Variants in AFF3 observed in about 807,000 individuals in gnomAD.
AFF3 encodes AF4/FMR2 family member 3.
Under a neutral mutation model 129.7 loss-of-function variants are expected in AFF3, and 32 were observed. The ratio of observed to expected loss-of-function variants is 0.25; its 90% confidence interval spans 0.19 to 0.33. The LOEUF (loss-of-function observed/expected upper bound fraction) is 0.33, where lower values mean the gene tolerates loss of function less well. Ranked by LOEUF, AFF3 falls within the 10% of genes least tolerant of loss-of-function variation. AFF3 has a pLI of 1.00. For synonymous variants in AFF3, 644 were observed against 635.4 expected, an observed-to-expected ratio of 1.01 and a Z score of -0.20; for missense variants, 1,373 against 1,592.0, an observed-to-expected ratio of 0.86 and a Z score of 2.34.
chr2:99,555,656 C>A (rs1372397500), intron 22 of AFF3, among the ~76,000 whole-genome samples: 1 of 152,184 alleles, frequency 6.6e-6, no homozygotes, highest in East Asian at 1.9e-4. Flanking sequence ...AGGGAGAAAG[C>A]GGTCTTTGTG....
At chr2:99,603,558 G>A (rs1473589729) in intron 13 of AFF3, among the ~76,000 whole-genome samples, 1 of 152,236 alleles carries the variant, frequency 6.6e-6, no homozygotes, top group South Asian at 2.1e-4. Context: ...TACCATTCAG[G>A]ACATATGAAT....
At chr2:99,677,523 T>C (rs1304960774) in intron 11 of AFF3, among the ~76,000 whole-genome samples, 3 of 152,284 alleles carry the variant, frequency 2.0e-5, no homozygotes, top group South Asian at 2.1e-4. Flanking sequence ...ACAATGATTG[T>C]TGGGCATGTT....
At chr2:99,709,873 CCCAAA>C (rs1677742926) in intron 11 of AFF3, among the ~76,000 whole-genome samples, 1 of 152,194 alleles carries the variant, frequency 6.6e-6, no homozygotes, top group Non-Finnish European at 1.5e-5. Context: ...ATGAAATAGT[CCCAAA>C]TCACTGGGTT....
At chr2:99,991,131 A>G (rs1381448077) in intron 7 of AFF3, among the ~76,000 whole-genome samples, 1 of 152,160 alleles carries the variant, frequency 6.6e-6, no homozygotes, top group Non-Finnish European at 1.5e-5. Context: ...GGTTTACCCA[A>G]GCAGGGAGAA....
intron 8 of AFF3, among the ~76,000 whole-genome samples, chr2:99,817,470 CT>C (rs1247757922): frequency 6.6e-6 from 1 of 152,166 alleles, no homozygotes; most frequent in Non-Finnish European, 1.5e-5. Flanking sequence ...GTTTCTTTGG[CT>C]TTTTTTCCTG....
intron 7 of AFF3, among the ~76,000 whole-genome samples, chr2:99,920,841 G>C (rs1695810199): frequency 6.6e-6 from 1 of 151,916 alleles, no homozygotes; most frequent in South Asian, 2.1e-4. Context: ...CGATGTTTCA[G>C]AATACAAAAT....
intron 11 of AFF3, among the ~76,000 whole-genome samples, chr2:99,713,610 G>A (rs917304006): frequency 1.3e-5 from 2 of 151,886 alleles, no homozygotes; most frequent in Non-Finnish European, 1.5e-5. Context: ...ATAACCCCCC[G>A]AGGAAAGGTA....
chr2:99,867,176 C>G (rs1691483338), intron 7 of AFF3, among the ~76,000 whole-genome samples: 1 of 151,970 alleles, frequency 6.6e-6, no homozygotes, highest in African/African-American at 2.4e-5. Flanking sequence ...ATTCTTCTCC[C>G]ACTACTCATT....
chr2:100,021,976 A>C (rs1683633855), intron 4 of AFF3, among the ~76,000 whole-genome samples: 1 of 152,212 alleles, frequency 6.6e-6, no homozygotes, highest in African/African-American at 2.4e-5. Flanking sequence ...CAACTTCCAC[A>C]CAAGTACTGC....
chr2:99,699,280 C>T (rs1015981904), intron 11 of AFF3, among the ~76,000 whole-genome samples: 5 of 152,272 alleles, frequency 3.3e-5, no homozygotes, highest in African/African-American at 4.8e-5. Context: ...CTGTGGCTTC[C>T]GCTGGTTTCT....
At chr2:100,134,650 G>A (rs1319380454) in intron 1 of AFF3, among the ~76,000 whole-genome samples, 1 of 152,050 alleles carries the variant, frequency 6.6e-6, no homozygotes, top group Non-Finnish European at 1.5e-5. Context: ...GATCCTTTTA[G>A]AATTTATTTT....
chr2:99,980,942 T>C lies in AFF3; in HGVS notation c.873+25690A>G, dbSNP rs183110118. ...TGGGATCATCCTCTATATATTGTTT[T>C]TATATACTTGTTTTTCAGTTAACAT... On this transcript the variant is annotated intron_variant, in intron 7 of 24. Transcript: ENST00000672756. Among the ~76,000 whole-genome samples, 853 of 152,320 alleles carry C rather than the reference T, an allele frequency of 5.6e-3. 8 individuals carry two copies. The highest frequency in any genetic ancestry group is 0.02 in the African/African-American group (824 of 41,568).
chr2:99,811,915 A>G (rs1319947556), intron 8 of AFF3, among the ~76,000 whole-genome samples: 2 of 152,258 alleles, frequency 1.3e-5, no homozygotes, highest in African/African-American at 2.4e-5. Context: ...GTACCTGAAC[A>G]CAGACAATGA....
chr2:100,036,052 G>T (rs1298396339), intron 4 of AFF3, among the ~76,000 whole-genome samples: 1 of 148,050 alleles, frequency 6.8e-6, no homozygotes, highest in African/African-American at 2.5e-5. Context: ...GCTTAAAAGG[G>T]TGTTCAACTC....
intron 10 of AFF3, 64 bp downstream of exon 10, chr2:99,744,040 C>G: frequency 7.2e-7 from 1 of 1,386,478 alleles, no homozygotes; most frequent in Non-Finnish European, 1.0e-6. Context: ...TCCTCCCTCC[C>G]CTTCTGCCCT....
intron 7 of AFF3, among the ~76,000 whole-genome samples, chr2:99,878,752 A>C (rs576739128): frequency 6.6e-6 from 1 of 152,350 alleles, no homozygotes; most frequent in Non-Finnish European, 1.5e-5. Context: ...AAGTAAAAGT[A>C]AAAGGAGGGT....
intron 7 of AFF3, among the ~76,000 whole-genome samples, chr2:99,925,770 T>C (rs1696194308): frequency 1.3e-5 from 2 of 152,156 alleles, no homozygotes; most frequent in Non-Finnish European, 2.9e-5. Context: ...AGAACATGAT[T>C]AAAGACCCAG....
intron 4 of AFF3, among the ~76,000 whole-genome samples, chr2:100,019,035 T>C (rs1413439155): frequency 6.6e-6 from 1 of 152,210 alleles, no homozygotes. Context: ...TTAACCATGA[T>C]GCCCTTCCCT....
chr2:99,869,637 T>C (rs963043091), intron 7 of AFF3, among the ~76,000 whole-genome samples: 1 of 152,192 alleles, frequency 6.6e-6, no homozygotes, highest in African/African-American at 2.4e-5. Flanking sequence ...TTGTGCGTCC[T>C]TTCAAGGGAC....
Sources: allele counts gnomAD v4.1 joint callset (sites outside exome capture counted in the v4.1 genomes callset), GRCh38; gene constraint gnomAD v4.1.1; transcripts MANE v1.5; gene names NCBI Gene and HGNC (gene_info 2026-07-23, HGNC 2026-07-21).